JAKMIP1: variants seen among roughly 807,000 people sequenced by gnomAD.
JAKMIP1 encodes the protein janus kinase and microtubule interacting protein 1, also known as janus kinase and microtubule-interacting protein 1.
In JAKMIP1, 33 loss-of-function variants were observed where a neutral mutation model predicts 113.0. That is an observed-to-expected ratio of 0.29 (90% CI 0.22 to 0.39). JAKMIP1 has a LOEUF of 0.39. Among genes scored for constraint, JAKMIP1 ranks in the 10% least tolerant of loss-of-function variants. JAKMIP1 has a pLI of 1.00. For missense variants in JAKMIP1, 813 were observed against 1,080.5 expected, an observed-to-expected ratio of 0.75 and a Z score of 3.47; for synonymous variants, 480 against 459.9, an observed-to-expected ratio of 1.04 and a Z score of -0.56.
In JAKMIP1 at chr4:6,179,496, C is replaced by T. The variant is rs377691552; in HGVS notation, c.-148+20757G>A. On this transcript the variant is annotated intron_variant, in intron 1 of 20. Transcript: ENST00000409021. The surrounding 1 kb of genome is among the most constrained non-coding windows in gnomAD (Gnocchi z 4.5). ...CCTTCCTGACACCCCCTACAGGCAC[C>T]GTCAAGGGACAACCCTACAAAGCCA... Among the ~76,000 whole-genome samples, 13 of 152,310 alleles carry T rather than the reference C, an allele frequency of 8.5e-5. No homozygotes were observed. In the East Asian group the frequency reaches 9.7e-4, roughly 11 times the overall value.
chr4:6,079,836 C>T (rs1299926213), intron 7 of JAKMIP1, among the ~76,000 whole-genome samples: 2 of 152,224 alleles, frequency 1.3e-5, no homozygotes, highest in Non-Finnish European at 2.9e-5. Context: ...AAAAAGCCTT[C>T]TCTGGAACAG....
intron 8 of JAKMIP1, among the ~76,000 whole-genome samples, chr4:6,068,037 G>A (rs754045762): frequency 6.6e-5 from 10 of 152,160 alleles, no homozygotes; most frequent in African/African-American, 1.4e-4. Flanking sequence ...GACCATCCAC[G>A]TCAGCATCAG....
chr4:6,195,189 A>G (rs1395576274), intron 1 of JAKMIP1, among the ~76,000 whole-genome samples: 2 of 152,222 alleles, frequency 1.3e-5, no homozygotes, highest in African/African-American at 4.8e-5. Context: ...CATAAGTCTG[A>G]TGTCAAAGCC....
intron 3 of JAKMIP1, among the ~76,000 whole-genome samples, chr4:6,098,582 G>GA (rs1350611417): frequency 3.8e-5 from 5 of 132,358 alleles, no homozygotes; most frequent in African/African-American, 1.1e-4. Flanking sequence ...AAGAAAGAAA[G>GA]AAGGAAAGGA....
chr4:6,176,501 C>G lies in JAKMIP1; in HGVS notation c.-148+23752G>C, dbSNP rs762684351. On this transcript the variant is annotated intron_variant, in intron 1 of 20. Transcript: ENST00000409021. This position sits in a 1 kb window ranked among gnomAD's most constrained non-coding sequence, Gnocchi z 5.5. The stretch of plus-strand genomic sequence containing the variant: ...TTTACCAAGCTCCTCAGTACTCCTA[C>G]CACAGGACGGTTGTTCTGTAGAAAC... Among the ~76,000 whole-genome samples, 1 of 152,188 alleles carries G rather than the reference C, an allele frequency of 6.6e-6. No homozygotes were observed. The highest frequency in any genetic ancestry group is 1.5e-5 in the Non-Finnish European group (1 of 68,022).
At chr4:6,133,068 A>T (rs1718735419) in intron 1 of JAKMIP1, among the ~76,000 whole-genome samples, 1 of 152,216 alleles carries the variant, frequency 6.6e-6, no homozygotes, top group East Asian at 1.9e-4. Context: ...ATTCAATCAG[A>T]TAAAAATGTC....
chr4:6,113,705 T>C (rs1208631007), intron 1 of JAKMIP1, among the ~76,000 whole-genome samples: 1 of 152,232 alleles, frequency 6.6e-6, no homozygotes, highest in Non-Finnish European at 1.5e-5. Flanking sequence ...CGCCCCAAGC[T>C]GCCTCGGAAA....
intron 1 of JAKMIP1, among the ~76,000 whole-genome samples, chr4:6,122,842 C>T (rs1383112188): frequency 6.6e-6 from 1 of 152,174 alleles, no homozygotes. Context: ...TGACCTCAGA[C>T]AGGAGACTTC....
intron 1 of JAKMIP1, among the ~76,000 whole-genome samples, chr4:6,189,812 G>C (rs1310207559): frequency 6.6e-6 from 1 of 152,212 alleles, no homozygotes; most frequent in Admixed American, 6.5e-5. Context: ...AGCACAAGTG[G>C]ATGGGGTGGG....
chr4:6,126,409 TA>T (rs1717636711), intron 1 of JAKMIP1, among the ~76,000 whole-genome samples: 2 of 18,126 alleles, frequency 1.1e-4, no homozygotes, highest in African/African-American at 7.9e-4. Flanking sequence ...CACACAAACA[TA>T]CACCGTACAG....
rs1715342264 is a variant in JAKMIP1, at chr4:6,049,069, C to G, written c.1963-147G>C. On this transcript the variant is annotated intron_variant, in intron 15 of 20. Transcript: ENST00000409021. This position sits in a 1 kb window ranked among gnomAD's most constrained non-coding sequence, Gnocchi z 7.0. ...TTGAGACGGAGTCTCTCTCTGTCACCTGGGTTTGAGTGCAGTGGTGTGATC... is the reference window on the plus strand; with the variant it reads ...TTGAGACGGAGTCTCTCTCTGTCACGTGGGTTTGAGTGCAGTGGTGTGATC... 1.5e-6 allele frequency: 1 copy of G among 660,228 alleles called. No homozygotes were observed. Among genetic ancestry groups the G allele is most frequent in the African/African-American group, 1.8e-5 (1 of 55,574 alleles). The allele number at this position is 660,228 out of a possible 1,614,324, so 40.9% of individuals were successfully genotyped here. A position where few individuals can be genotyped will look rare whatever the true frequency, so the allele number is the denominator to read the frequency against.
chr4:6,055,260 G>T lies in JAKMIP1; in HGVS notation c.1708-1112C>A, dbSNP rs1055372649. 2.6e-5 allele frequency among the ~76,000 whole-genome samples: 4 copies of T among 152,170 alleles called. No individual in the cohort carries two copies. The East Asian group carries it at 5.8e-4, about 22-fold the overall frequency. On this transcript the variant is annotated intron_variant, in intron 12 of 20. Coordinates refer to ENST00000409021, the MANE Select transcript of JAKMIP1 (RefSeq NM_001099433.2). ...GGGCCGGGAGGCAGGGCAGAGGGGG[G>T]ACTGCACATGGGCAGGAGGGGTCTT... is the stretch of plus-strand genomic sequence containing the variant.
Position 6,176,364 on chromosome 4 carries a change from G to A in JAKMIP1, c.-148+23889C>T, listed in dbSNP as rs948014466. 1.3e-5 allele frequency among the ~76,000 whole-genome samples: 2 copies of A among 152,198 alleles called. No homozygotes were observed. Among genetic ancestry groups the A allele is most frequent in the Non-Finnish European group, 2.9e-5 (2 of 68,040 alleles). On this transcript the variant is annotated intron_variant, in intron 1 of 20. Coordinates refer to ENST00000409021, the MANE Select transcript of JAKMIP1 (RefSeq NM_001099433.2). This position sits in a 1 kb window ranked among gnomAD's most constrained non-coding sequence, Gnocchi z 5.5. ...GGTGGGGTATGAAGATCCCTGAGGT[G>A]AACCATGAATACAAACATTTTAGGA...
rs1456437005 is a variant in JAKMIP1 at position 6,094,637 on chromosome 4, G to A, written c.625-9008C>T. On this transcript the variant is annotated intron_variant, in intron 3 of 20. Transcript: ENST00000409021. The surrounding 1 kb of genome is among the most constrained non-coding windows in gnomAD (Gnocchi z 4.2). ...CCTTGTCAAACTAGTTCCCAACAGT[G>A]GCACTCTTTCAAAAATAAAGTTTTA... is the stretch of plus-strand genomic sequence containing the variant. Among the ~76,000 whole-genome samples the A allele has an allele frequency of 6.6e-6, 1 of 152,170 alleles. No individual in the cohort carries two copies. Among genetic ancestry groups the A allele is most frequent in the Non-Finnish European group, 1.5e-5 (1 of 68,030 alleles).
Position 6,137,115 on chromosome 4 carries a change from A to G in JAKMIP1, c.-147-24118T>C, listed in dbSNP as rs368527281. Among the ~76,000 whole-genome samples the G allele has an allele frequency of 6.7e-6, 1 of 149,446 alleles. No homozygotes were observed. Among genetic ancestry groups the G allele is most frequent in the East Asian group, 2.0e-4 (1 of 5,088 alleles). ...GGAATAATCACTCTTCCTCCTCAAC[A>G]CCCCCTCCCTATTTTCATGGTAAGG... On this transcript the variant is annotated intron_variant, in intron 1 of 20. Transcript: ENST00000409021. The surrounding 1 kb of genome is among the most constrained non-coding windows in gnomAD (Gnocchi z 4.5).
At chr4:6,160,490 C>G (rs1337644800) in intron 1 of JAKMIP1, among the ~76,000 whole-genome samples, 1 of 152,066 alleles carries the variant, frequency 6.6e-6, no homozygotes, top group Admixed American at 6.5e-5. Context: ...ACGGGATCAC[C>G]CTCGAGCCCT....
chr4:6,109,184 G>C (rs568653652), intron 2 of JAKMIP1, among the ~76,000 whole-genome samples: 1 of 142,182 alleles, frequency 7.0e-6, no homozygotes, highest in Admixed American at 7.3e-5. Flanking sequence ...CCAGGCTGGA[G>C]TGCAGTGGCA....
Position 6,140,991 on chromosome 4 carries a change from C to G in JAKMIP1, c.-147-27994G>C, listed in dbSNP as rs1560262680. On this transcript the variant is annotated intron_variant, in intron 1 of 20. Transcript: ENST00000409021. This position sits in a 1 kb window ranked among gnomAD's most constrained non-coding sequence, Gnocchi z 9.4. ...CTAAGACCCCAGAGCTGGGTGACGG[C>G]AGAGCCAGCCCTGTGGGCCAGGCAT... Among the ~76,000 whole-genome samples the G allele has an allele frequency of 1.3e-5, 2 of 152,192 alleles. No homozygotes were observed. Among genetic ancestry groups the G allele is most frequent in the African/African-American group, 4.8e-5 (2 of 41,414 alleles).
rs925575759 is a variant in JAKMIP1 at position 6,060,413 on chromosome 4, C to T, written c.1644+11G>A. 2.5e-6 allele frequency: 4 copies of T among 1,601,570 alleles called. No homozygotes were observed. The highest frequency in any genetic ancestry group is 3.4e-6 in the Non-Finnish European group (4 of 1,168,484). ...GCTAAGATTCACAGAGCACAGATCA[C>T]TCCTGCTCACCTGTCCCTTCTCAAC... On this transcript the variant is annotated intron_variant, in intron 11 of 20. Transcript: ENST00000409021.
Sources: allele counts gnomAD v4.1 joint callset (sites outside exome capture counted in the v4.1 genomes callset), GRCh38; gene constraint gnomAD v4.1.1; non-coding constraint Gnocchi (gnomAD v3.1); transcripts MANE v1.5; gene names NCBI Gene and HGNC (gene_info 2026-07-23, HGNC 2026-07-21).